MEGF9: variants seen among roughly 807,000 people sequenced by gnomAD.
MEGF9 encodes the protein multiple epidermal growth factor-like domains protein 9.
A neutral mutation model predicts 46.8 loss-of-function variants in MEGF9; 6 were observed. The observed-to-expected ratio is 0.13, with a 90% CI of 0.07 to 0.25. MEGF9 has a LOEUF of 0.25. MEGF9 is among the 10% of genes least tolerant of loss of function. MEGF9 has a pLI of 1.00. For missense variants in MEGF9, 683 were observed against 792.4 expected, an observed-to-expected ratio of 0.86 and a Z score of 1.66; for synonymous variants, 302 against 330.7, an observed-to-expected ratio of 0.91 and a Z score of 0.94.
intron 1 of MEGF9, among the ~76,000 whole-genome samples, chr9:120,659,825 TTAG>T (rs1352526237): frequency 6.7e-6 from 1 of 148,884 alleles, no homozygotes; most frequent in Admixed American, 6.7e-5. Flanking sequence ...GTGTGTATTA[TTAG>T]TTTTTCTGAA....
intron 2 of MEGF9, among the ~76,000 whole-genome samples, chr9:120,626,029 G>A (rs1025150731): frequency 7.3e-5 from 11 of 151,462 alleles, no homozygotes; most frequent in East Asian, 1.9e-4. Flanking sequence ...AAAAAAAAAA[G>A]GCTGTGAACA....
chr9:120,695,714 A>G (rs2043873771), intron 1 of MEGF9, among the ~76,000 whole-genome samples: 1 of 151,646 alleles, frequency 6.6e-6, no homozygotes, highest in African/African-American at 2.4e-5. Context: ...GTTTGCAGGT[A>G]GCCAAAGAAA....
At chr9:120,696,955 TC>T (rs1160089051) in intron 1 of MEGF9, among the ~76,000 whole-genome samples, 1 of 152,214 alleles carries the variant, frequency 6.6e-6, no homozygotes, top group East Asian at 1.9e-4. Flanking sequence ...TAACAGCTGC[TC>T]CTTTGTCTGA....
intron 1 of MEGF9, among the ~76,000 whole-genome samples, chr9:120,677,856 T>C (rs1019343678): frequency 6.6e-6 from 1 of 152,308 alleles, no homozygotes; most frequent in South Asian, 2.1e-4. Flanking sequence ...TAAGAGTTAA[T>C]TGTTCATGTT....
At chr9:120,668,088 C>T (rs575344044) in intron 1 of MEGF9, among the ~76,000 whole-genome samples, 2,411 of 152,184 alleles carry the variant, frequency 0.016, 59 homozygotes, top group African/African-American at 0.055. Context: ...GCCTGATTTC[C>T]TAAGTATATG....
chr9:120,711,978 C>T (rs2043956172), intron 1 of MEGF9, among the ~76,000 whole-genome samples: 1 of 152,122 alleles, frequency 6.6e-6, no homozygotes, highest in Non-Finnish European at 1.5e-5. Flanking sequence ...CCCAGCAGGC[C>T]TGGTGAAGTG....
rs1303963357 is a variant in MEGF9 at position 120,636,876 on chromosome 9, C to A, written c.804-14121G>T. Among the ~76,000 whole-genome samples the A allele has an allele frequency of 2.0e-5, 3 of 151,818 alleles. No individual in the cohort carries two copies. In the East Asian group the frequency reaches 5.8e-4, roughly 29 times the overall value. On this transcript the variant is annotated intron_variant, in intron 2 of 5. Coordinates refer to ENST00000373930, the MANE Select transcript of MEGF9 (RefSeq NM_001080497.3). ...GGGGTGGGGGGGCCCCTCTGCCCGG[C>A]CGCCACGTCTGGGAAGTGAGGAGCC... is the stretch of plus-strand genomic sequence containing the variant.
intron 3 of MEGF9, among the ~76,000 whole-genome samples, chr9:120,615,295 G>A (rs1348089085): frequency 1.4e-5 from 2 of 146,832 alleles, no homozygotes; most frequent in African/African-American, 5.0e-5. Context: ...GTGCATGTGT[G>A]TGTACACACA....
chr9:120,623,937 A>T (rs917513308), intron 2 of MEGF9, among the ~76,000 whole-genome samples: 2 of 152,262 alleles, frequency 1.3e-5, no homozygotes, highest in Non-Finnish European at 2.9e-5. Context: ...AATATACAAA[A>T]GGATAAACAG....
chr9:120,629,636 C>A (rs2043541879), intron 2 of MEGF9, among the ~76,000 whole-genome samples: 1 of 149,884 alleles, frequency 6.7e-6, no homozygotes. Flanking sequence ...GTGAGACAGT[C>A]CCCAAAAAAA....
chr9:120,713,855 C>CGTGGGCGCCGGTACG lies in MEGF9; in HGVS notation c.489_503dup (p.Val164_Thr168dup). 7.7e-7 allele frequency: 1 copy of CGTGGGCGCCGGTACG among 1,301,490 alleles called. No individual in the cohort carries two copies. 80.6% of individuals were successfully genotyped at this position (1,301,490 alleles called of 1,614,324 possible). On this transcript the variant is annotated inframe_insertion, in exon 1 of 6. Transcript: ENST00000373930. ...GATCGGGGGTCGGGGTCCGGGGAGT[C>CGTGGGCGCCGGTACG]GTGGGCGCCGGTACGGTGGTCGCTA...
intron 1 of MEGF9, among the ~76,000 whole-genome samples, chr9:120,677,307 A>T (rs575711976): frequency 9.6e-4 from 145 of 151,546 alleles, no homozygotes; most frequent in South Asian, 4.6e-3. Flanking sequence ...TAAAAAAAAA[A>T]TTTTTTTTAT....
intron 1 of MEGF9, among the ~76,000 whole-genome samples, chr9:120,665,617 T>C (rs1220724737): frequency 1.3e-5 from 2 of 152,224 alleles, no homozygotes; most frequent in African/African-American, 4.8e-5. Flanking sequence ...ACCTCCAGCT[T>C]CATCCATGTT....
At chr9:120,635,713 C>T (rs2043571224) in intron 2 of MEGF9, among the ~76,000 whole-genome samples, 1 of 152,054 alleles carries the variant, frequency 6.6e-6, no homozygotes, top group Non-Finnish European at 1.5e-5. Flanking sequence ...TCATTCACAT[C>T]ATAAATCCTT....
At chr9:120,634,196 G>A in intron 2 of MEGF9, among the ~76,000 whole-genome samples, 1 of 152,024 alleles carries the variant, frequency 6.6e-6, no homozygotes. Flanking sequence ...ATTGGGTGTT[G>A]AAATCTGCAA....
intron 2 of MEGF9, among the ~76,000 whole-genome samples, chr9:120,645,092 G>C (rs2043619813): frequency 6.6e-6 from 1 of 152,140 alleles, no homozygotes; most frequent in African/African-American, 2.4e-5. Context: ...GCATGAACAG[G>C]CCCTACTGTC....
At chr9:120,648,959 C>T (rs979029777) in intron 2 of MEGF9, among the ~76,000 whole-genome samples, 2 of 152,176 alleles carry the variant, frequency 1.3e-5, no homozygotes, top group African/African-American at 4.8e-5. Flanking sequence ...TGTCCCTGAG[C>T]ATGGGATGGG....
At chr9:120,674,993 C>T (rs1456603502) in intron 1 of MEGF9, among the ~76,000 whole-genome samples, 1 of 152,058 alleles carries the variant, frequency 6.6e-6, no homozygotes, top group African/African-American at 2.4e-5. Flanking sequence ...ATTTTCCTGC[C>T]TCAGCTTCCC....
At chr9:120,668,159 G>A (rs1259385265) in intron 1 of MEGF9, among the ~76,000 whole-genome samples, 3 of 152,152 alleles carry the variant, frequency 2.0e-5, no homozygotes, top group Non-Finnish European at 2.9e-5. Flanking sequence ...TGAAGAAAAG[G>A]AATCTCAGAA....
Sources: gnomAD v4.1 joint callset for allele counts (sites outside exome capture counted in the v4.1 genomes callset) on GRCh38, gnomAD v4.1.1 for gene constraint, MANE v1.5 for transcripts, NCBI Gene and HGNC (gene_info 2026-07-23, HGNC 2026-07-21) for gene names.